Variants in UNC79 observed in about 807,000 individuals in gnomAD.
UNC79 encodes the protein unc-79 subunit of NALCN channel complex, also known as protein unc-79 homolog.
A neutral mutation model predicts 283.1 loss-of-function variants in UNC79; 37 were observed. The ratio of observed to expected loss-of-function variants is 0.13; its 90% CI spans 0.10 to 0.17. The LOEUF is 0.17. UNC79 is among the 10% of genes least tolerant of loss of function. The pLI is 1.00. For synonymous variants in UNC79, 1,107 were observed against 1,200.2 expected (o/e 0.92, Z 1.61); for missense variants, 2,272 against 3,211.1 (o/e 0.71, Z 7.07).
intron 7 of UNC79, among the ~76,000 whole-genome samples, chr14:93,513,669 A>T (rs944752069): frequency 6.6e-6 from 1 of 152,150 alleles, no homozygotes; most frequent in African/African-American, 2.4e-5. Flanking sequence ...CATTGGGGAC[A>T]TTTCAAGTCG....
At chr14:93,356,416 A>G (rs932912468) in intron 1 of UNC79, among the ~76,000 whole-genome samples, 1 of 152,104 alleles carries the variant, frequency 6.6e-6, no homozygotes, top group East Asian at 1.9e-4. Context: ...TCCTCTCCCA[A>G]CACAGATCCC....
intron 1 of UNC79, among the ~76,000 whole-genome samples, chr14:93,357,616 T>G (rs1433214344): frequency 4.1e-5 from 6 of 145,738 alleles, no homozygotes; most frequent in Non-Finnish European, 9.0e-5. Flanking sequence ...CTTCTTAGCT[T>G]GCAGATGGCC....
intron 46 of UNC79, among the ~76,000 whole-genome samples, chr14:93,692,674 G>A (rs1161969112): frequency 6.6e-6 from 1 of 152,216 alleles, no homozygotes; most frequent in African/African-American, 2.4e-5. Flanking sequence ...ATCCAGTACT[G>A]TTGAATGTAG....
intron 42 of UNC79, among the ~76,000 whole-genome samples, chr14:93,684,434 A>G (rs2074085959): frequency 6.6e-6 from 1 of 152,252 alleles, no homozygotes; most frequent in African/African-American, 2.4e-5. Flanking sequence ...AATGTCTAAC[A>G]TCATCAGGGT....
intron 48 of UNC79, among the ~76,000 whole-genome samples, chr14:93,706,331 G>A (rs2075877871): frequency 6.6e-6 from 1 of 152,158 alleles, no homozygotes; most frequent in Non-Finnish European, 1.5e-5. Context: ...AGAAGAGCCA[G>A]GCTTTGAACA....
At chr14:93,670,507 G>A (rs1399150947) in intron 40 of UNC79, among the ~76,000 whole-genome samples, 1 of 152,224 alleles carries the variant, frequency 6.6e-6, no homozygotes, top group Non-Finnish European at 1.5e-5. Context: ...TATAGATGAA[G>A]AGATGTATAA....
intron 26 of UNC79, among the ~76,000 whole-genome samples, chr14:93,612,274 G>T (rs943590660): frequency 1.3e-5 from 2 of 152,128 alleles, no homozygotes; most frequent in Non-Finnish European, 1.5e-5. Flanking sequence ...ATATCTCAGG[G>T]TTTGGAAAAG....
chr14:93,365,058 C>A (rs1225727313), intron 1 of UNC79, among the ~76,000 whole-genome samples: 3 of 151,748 alleles, frequency 2.0e-5, no homozygotes, highest in African/African-American at 7.3e-5. Context: ...CATAGGGAGA[C>A]CCTATCTCTA....
chr14:93,376,197 T>C (rs1281409850), intron 1 of UNC79, among the ~76,000 whole-genome samples: 1 of 152,240 alleles, frequency 6.6e-6, no homozygotes, highest in African/African-American at 2.4e-5. Context: ...AGTTTTAGGC[T>C]AGTTTGTTAT....
intron 33 of UNC79, among the ~76,000 whole-genome samples, chr14:93,642,287 TG>T (rs1299550766): frequency 6.6e-6 from 1 of 151,960 alleles, no homozygotes; most frequent in Non-Finnish European, 1.5e-5. Context: ...TAGCTGGGCC[TG>T]GTGGCGGGCA....
rs546160278 is a variant in UNC79, at chr14:93,600,884, C to G, written c.3574+114C>G. The G allele has an allele frequency of 1.6e-5, 18 of 1,106,096 alleles. No individual in the cohort carries two copies. The African/African-American group carries it at 2.4e-4, about 14-fold the overall frequency. 68.5% of individuals were successfully genotyped at this position (1,106,096 alleles called of 1,614,324 possible). On this transcript the variant is annotated intron_variant, in intron 25 of 48. Coordinates refer to ENST00000555664, the Ensembl canonical transcript of UNC79. ...TCCTCTACAGAGGATGCCTTGACCT[C>G]ATGCACTCAATTCATTAAATGATTA...
At chr14:93,675,285 C>T (rs1382762580) in intron 41 of UNC79, among the ~76,000 whole-genome samples, 2 of 152,108 alleles carry the variant, frequency 1.3e-5, no homozygotes, top group East Asian at 3.8e-4. Context: ...GTATAAAACA[C>T]TGTGGAAGAG....
At chr14:93,363,336 A>G (rs549792643) in intron 1 of UNC79, among the ~76,000 whole-genome samples, 1 of 152,228 alleles carries the variant, frequency 6.6e-6, no homozygotes, top group South Asian at 2.1e-4. Flanking sequence ...GTAATTGTTA[A>G]GATTTTGGTT....
At chr14:93,527,856 T>C (rs2060617267) in intron 8 of UNC79, among the ~76,000 whole-genome samples, 1 of 152,178 alleles carries the variant, frequency 6.6e-6, no homozygotes, top group Non-Finnish European at 1.5e-5. Context: ...GATCCAGATA[T>C]TGAAATATTC....
chr14:93,664,421 G>C (rs1206115546), intron 40 of UNC79, among the ~76,000 whole-genome samples: 1 of 152,156 alleles, frequency 6.6e-6, no homozygotes, highest in African/African-American at 2.4e-5. Flanking sequence ...CATATAAGTA[G>C]CCCTGTGGTG....
In UNC79 at chr14:93,386,676, C is replaced by T. The variant is rs116862681; in HGVS notation, c.-351+53153C>T. Among the ~76,000 whole-genome samples the T allele has an allele frequency of 4.9e-3, 741 of 152,142 alleles. 22 individuals are homozygous for T. Among genetic ancestry groups the T allele is most frequent in the East Asian group, 0.02 (101 of 5,176 alleles). On this transcript the variant is annotated intron_variant, in intron 1 of 49. Coordinates refer to the UNC79 transcript ENST00000256339. ...GGTATGTTCAGGTTTTGAATTTCTT[C>T]GTGGTTCAATCTTGATAGGTTGTAT...
intron 19 of UNC79, 39 bp from the exon 20 acceptor site, chr14:93,582,164 C>A: frequency 6.2e-7 from 1 of 1,613,898 alleles, no homozygotes; most frequent in South Asian, 1.1e-5. Context: ...GACACCCCTC[C>A]AGGGCTGCTT....
intron 14 of UNC79, among the ~76,000 whole-genome samples, chr14:93,563,979 G>A (rs1428670069): frequency 6.6e-6 from 1 of 152,162 alleles, no homozygotes; most frequent in Non-Finnish European, 1.5e-5. Flanking sequence ...ATGATTTTGA[G>A]GGCCTCTGAA....
chr14:93,678,094 G>A (rs2073507870), intron 41 of UNC79, among the ~76,000 whole-genome samples: 1 of 152,136 alleles, frequency 6.6e-6, no homozygotes, highest in African/African-American at 2.4e-5. Flanking sequence ...GGAGTCAGAG[G>A]AAACCTTTCC....
Sources: gnomAD v4.1 joint callset for allele counts (sites outside exome capture counted in the v4.1 genomes callset) on GRCh38, gnomAD v4.1.1 for gene constraint, MANE v1.5 for transcripts, NCBI Gene and HGNC (gene_info 2026-07-23, HGNC 2026-07-21) for gene names.